NT5C1A: variants seen among roughly 807,000 people sequenced by gnomAD.
NT5C1A encodes cytosolic 5'-nucleotidase 1A.
NT5C1A carries 18 observed loss-of-function variants against 31.0 expected under a neutral mutation model. That is an observed-to-expected ratio of 0.58 (90% CI 0.40 to 0.86). The LOEUF (loss-of-function observed/expected upper bound fraction) is 0.86, where lower values mean the gene tolerates loss of function less well. Ranked by LOEUF, NT5C1A falls within the 40% of genes least tolerant of loss-of-function variation. NT5C1A has a pLI of 0.00. For synonymous variants in NT5C1A, 185 were observed against 203.6 expected (o/e 0.91, Z 0.78); for missense variants, 470 against 505.4 (o/e 0.93, Z 0.67).
chr1:39,667,975 G>GGTCA (rs1434141044), intron 1 of NT5C1A, among the ~76,000 whole-genome samples: 4 of 152,190 alleles, frequency 2.6e-5, no homozygotes, highest in African/African-American at 9.7e-5. Flanking sequence ...AGTTCCCCAA[G>GGTCA]GTCATGTGGT....
intron 1 of NT5C1A, among the ~76,000 whole-genome samples, chr1:39,669,113 C>T (rs1225301300): frequency 6.6e-6 from 1 of 152,146 alleles, no homozygotes. Flanking sequence ...GGAATTGGGT[C>T]AGAGTGACTC....
At chr1:39,664,490 C>CCTCTCCTCTCCT (rs1553485417) in intron 3 of NT5C1A, among the ~76,000 whole-genome samples, 56 of 2,900 alleles carry the variant, frequency 0.019, 7 homozygotes, top group Non-Finnish European at 0.028. Flanking sequence ...GTGGATTTCT[C>CCTCTCCTCTCCT]CTCCTCTCCT....
At position 39,654,330 on chromosome 1, in the gene NT5C1A, C is replaced by G. The variant is rs76999188; in HGVS notation, c.*4791G>C. ...GGACCCTCTTCACGACGGACTTGTT[C>G]TTGCTTTCACAGAAAGTACATGGAT... On this transcript the variant is annotated 3_prime_UTR_variant, in exon 6 of 6. Coordinates refer to ENST00000235628, the MANE Select transcript of NT5C1A (RefSeq NM_032526.3). Among the ~76,000 whole-genome samples the G allele has an allele frequency of 0.015, 2,284 of 152,318 alleles. 55 individuals carry two copies. Among genetic ancestry groups the G allele is most frequent in the African/African-American group, 0.05 (2,098 of 41,564 alleles).
intron 1 of NT5C1A, among the ~76,000 whole-genome samples, chr1:39,667,196 CT>C (rs5773668): frequency 0.63 from 66,493 of 105,072 alleles, 20,343 homozygotes; most frequent in Middle Eastern, 0.69. Flanking sequence ...CTTTCCCCCT[CT>C]TTTTTTTTTT....
chr1:39,661,274 A>G lies in NT5C1A; in HGVS notation c.557-11T>C, dbSNP rs760109423. The G allele has an allele frequency of 3.9e-6, 6 of 1,519,342 alleles. No homozygotes were observed. Among genetic ancestry groups the G allele is most frequent in the South Asian group, 3.4e-5 (3 of 87,850 alleles). The allele number at this position is 1,519,342 out of a possible 1,614,324, so 94.1% of individuals were successfully genotyped here. A position where few individuals can be genotyped will look rare whatever the true frequency, so the allele number is the denominator to read the frequency against. ...TGGCAGCTGCGATCCCTAGGCAGAG[A>G]GAGGCAAGCATTGTCTGCCTTCAGG... On this transcript the variant is annotated splice_polypyrimidine_tract_variant and intron_variant, in intron 4 of 5. Transcript: ENST00000235628.
chr1:39,670,875 C>CG (rs999637435), intron 1 of NT5C1A, among the ~76,000 whole-genome samples: 20 of 152,114 alleles, frequency 1.3e-4, no homozygotes, highest in African/African-American at 3.6e-4. Flanking sequence ...CTACTCCCCC[C>CG]CCAACTCCCC....
Position 39,671,952 on chromosome 1 carries a change from T to A in NT5C1A, c.87A>T (p.Glu29Asp). 6.2e-7 allele frequency: 1 copy of A among 1,613,000 alleles called. No individual in the cohort carries two copies. The highest frequency in any genetic ancestry group is 8.5e-7 in the Non-Finnish European group (1 of 1,179,836). Reference sequence around the variant, plus strand: ...CGAGGTTGTCGTAGAAAATCTTGGCTTCCTCCCAGACCGGGGCCGCAGCGG... The same window carrying A: ...CGAGGTTGTCGTAGAAAATCTTGGCATCCTCCCAGACCGGGGCCGCAGCGG... The part of the protein sequence containing the change: ...AETAAAPVWE[E>D]AKIFYDNLAP... Residue 29 changes from glutamate (E) to aspartate (D), a missense_variant, in exon 1 of 6, where the codon GAA (glutamate) becomes GAT (aspartate). Transcript: ENST00000235628.
At chr1:39,669,107 T>A (rs534758144) in intron 1 of NT5C1A, among the ~76,000 whole-genome samples, 2 of 152,246 alleles carry the variant, frequency 1.3e-5, no homozygotes, top group East Asian at 1.9e-4. Context: ...AGACTGGGAA[T>A]TGGGTCAGAG....
intron 1 of NT5C1A, among the ~76,000 whole-genome samples, chr1:39,667,189 TCC>T (rs1646528040): frequency 7.3e-6 from 1 of 137,180 alleles, no homozygotes; most frequent in Non-Finnish European, 1.5e-5. Context: ...GGTCATACTT[TCC>T]CCCTCTTTTT....
rs1186493002 is a variant in NT5C1A at position 39,656,511 on chromosome 1, A to G, written c.*2610T>C. 6.6e-6 allele frequency among the ~76,000 whole-genome samples: 1 copy of G among 152,232 alleles called. No homozygotes were observed. The highest frequency in any genetic ancestry group is 1.5e-5 in the Non-Finnish European group (1 of 68,036). On this transcript the variant is annotated 3_prime_UTR_variant, in exon 6 of 6. Transcript: ENST00000235628. ...TGCCCAGGGCTGTCTGTGTCTATTA[A>G]TGATGGCTCCAGTGAAATCCATGGC...
Position 39,659,005 on chromosome 1 carries a change from G to T in NT5C1A, c.*116C>A. Reference sequence around the variant, plus strand: ...CTACAAGTACATCACTCATAGGGATGAGGGCAGACAGGCAGAAGGACAGAA... The same window carrying T: ...CTACAAGTACATCACTCATAGGGATTAGGGCAGACAGGCAGAAGGACAGAA... On this transcript the variant is annotated 3_prime_UTR_variant, in exon 6 of 6. Coordinates refer to ENST00000235628, the MANE Select transcript of NT5C1A (RefSeq NM_032526.3). The T allele has an allele frequency of 7.4e-7, 1 of 1,359,150 alleles. No individual in the cohort carries two copies. The highest frequency in any genetic ancestry group is 9.9e-7 in the Non-Finnish European group (1 of 1,005,846). 84.2% of individuals were successfully genotyped at this position (1,359,150 alleles called of 1,614,324 possible).
chr1:39,662,633 C>T lies in NT5C1A; in HGVS notation c.556+679G>A, dbSNP rs1000538364. ...AATATATTGTTGGTTGATAAAGAAA[C>T]TTGCCACTAGTGTTCAGCCTAAGGA... On this transcript the variant is annotated intron_variant, in intron 4 of 5. Transcript: ENST00000235628. 2.0e-5 allele frequency among the ~76,000 whole-genome samples: 3 copies of T among 152,170 alleles called. No individual in the cohort carries two copies. The East Asian group carries it at 5.8e-4, about 29-fold the overall frequency.
chr1:39,655,723 T>G lies in NT5C1A; in HGVS notation c.*3398A>C, dbSNP rs145886544. Among the ~76,000 whole-genome samples the G allele has an allele frequency of 2.9e-3, 433 of 151,700 alleles. 1 individual carries two copies. The highest frequency in any genetic ancestry group is 4.6e-3 in the Non-Finnish European group (315 of 67,926). Reference sequence around the variant, plus strand: ...ATGGCCAGGACACCACAAAACAGAGTAGACACTGGCCATAGTGCCGCTGCA... The same window carrying G: ...ATGGCCAGGACACCACAAAACAGAGGAGACACTGGCCATAGTGCCGCTGCA... On this transcript the variant is annotated 3_prime_UTR_variant, in exon 6 of 6. Transcript: ENST00000235628.
rs1646462145 is a variant in NT5C1A at position 39,657,020 on chromosome 1, T to A, written c.*2101A>T. Among the ~76,000 whole-genome samples, 1 of 152,354 alleles carries A rather than the reference T, an allele frequency of 6.6e-6. No homozygotes were observed. The highest frequency in any genetic ancestry group is 2.1e-4 in the South Asian group (1 of 4,832). ...GTCTTCTGCCCCAAGGCCTCCTCTG[T>A]TAGCCAGAAGGATCCTGGCTGTGCA... On this transcript the variant is annotated 3_prime_UTR_variant, in exon 6 of 6. Transcript: ENST00000235628.
At chr1:39,665,496 C>A in intron 3 of NT5C1A, 25 bp downstream of exon 3, 4 of 1,597,166 alleles carry the variant, frequency 2.5e-6, no homozygotes, top group Non-Finnish European at 1.7e-6. Context: ...CAGGGCAAAC[C>A]CCCCATCCTC....
rs200205977 is a variant in NT5C1A, at chr1:39,656,898, C to T, written c.*2223G>A. On this transcript the variant is annotated 3_prime_UTR_variant, in exon 6 of 6. Transcript: ENST00000235628. ...AGAATAAAGGAGACTCAGGGCTGAG[C>T]TCCCTCCTTCACTTCTTTTTTGTTT... Among the ~76,000 whole-genome samples, 497 of 152,304 alleles carry T rather than the reference C, an allele frequency of 3.3e-3. 2 individuals are homozygous for T. The highest frequency in any genetic ancestry group is 0.012 in the African/African-American group (486 of 41,554).
rs745502704 is a variant in NT5C1A at position 39,666,020 on chromosome 1, A to T, written c.303+49T>A. ...AATACTCATGGGAGTGCTTTTTTCT[A>T]ATCCCCACGAAGGCGCTATATGAGC... On this transcript the variant is annotated intron_variant, in intron 2 of 5. Transcript: ENST00000235628. 4 of 1,553,694 alleles carry T rather than the reference A, an allele frequency of 2.6e-6. No individual in the cohort carries two copies. In the East Asian group the frequency reaches 9.0e-5, roughly 35 times the overall value.
intron 1 of NT5C1A, among the ~76,000 whole-genome samples, chr1:39,669,859 T>C (rs1352823902): frequency 6.6e-6 from 1 of 152,144 alleles, no homozygotes; most frequent in Non-Finnish European, 1.5e-5. Context: ...CCCTTTCCAA[T>C]CCATCCCAGA....
At chr1:39,669,636 G>T (rs1198691637) in intron 1 of NT5C1A, among the ~76,000 whole-genome samples, 2 of 152,230 alleles carry the variant, frequency 1.3e-5, no homozygotes, top group Non-Finnish European at 2.9e-5. Context: ...GTCAGGGGCT[G>T]ATCCAGGGGT....
Sources: gnomAD v4.1 joint callset for allele counts (sites outside exome capture counted in the v4.1 genomes callset) on GRCh38, gnomAD v4.1.1 for gene constraint, MANE v1.5 for transcripts, NCBI Gene and HGNC (gene_info 2026-07-23, HGNC 2026-07-21) for gene names.